The following AMER1 variants were observed in gnomAD, a reference collection of about 807,000 sequenced individuals.
The protein encoded by AMER1 is APC membrane recruitment protein 1.
A neutral mutation model predicts 53.0 loss-of-function variants in AMER1; 16 were observed. The ratio of observed to expected loss-of-function variants is 0.30; its 90% CI spans 0.20 to 0.46. The LOEUF is 0.46. Ranked by LOEUF, AMER1 falls within the 20% of genes least tolerant of loss-of-function variation. AMER1 has a pLI of 1.00. For synonymous variants in AMER1, 354 were observed against 331.9 expected (o/e 1.07, Z -0.73); for missense variants, 947 against 884.9 (o/e 1.07, Z -0.89).
rs55766931 is a variant in AMER1, at chrX:64,193,647, C to T, written c.-98-263G>A. On this transcript the variant is annotated intron_variant, in intron 1 of 1. Coordinates refer to ENST00000374869, the MANE Select transcript of AMER1 (RefSeq NM_152424.4). ...CTGGGTCCACTCCCTTCAGACCATC[C>T]TAAGCTCAGGGGACCACTGGGCAGG... Among the ~76,000 whole-genome samples the T allele has an allele frequency of 0.14, 15,492 of 111,636 alleles. 1,106 individuals are homozygous for T. The highest frequency in any genetic ancestry group is 0.21 in the Non-Finnish European group (11,004 of 52,954).
intron 1 of AMER1, among the ~76,000 whole-genome samples, chrX:64,196,442 C>A (rs1203576815): frequency 8.9e-6 from 1 of 111,985 alleles, no homozygotes; most frequent in East Asian, 2.8e-4. Flanking sequence ...GAAAGACTGT[C>A]ATTACAGTTA....
Position 64,189,480 on chromosome X carries a change from A to ATGTGTGTG in AMER1, c.*398_*399insCACACACA, listed in dbSNP as rs1569190995. ...CATGTGTGTTTGTGTGTGTGTGTGT[A>ATGTGTGTG]TGTATGTGTGTGTGTGTGTGTGTGT... On this transcript the variant is annotated 3_prime_UTR_variant, in exon 2 of 2. Coordinates refer to ENST00000374869, the MANE Select transcript of AMER1 (RefSeq NM_152424.4). 4 of 515,924 alleles carry ATGTGTGTG rather than the reference A, an allele frequency of 7.8e-6. No homozygotes were observed. In the African/African-American group the frequency reaches 2.5e-4, roughly 32 times the overall value. 42.5% of individuals were successfully genotyped at this position (515,924 alleles called of 1,213,427 possible). A position where few individuals can be genotyped will look rare whatever the true frequency, so the allele number is the denominator to read the frequency against.
rs756051704 is a variant in AMER1, at chrX:64,186,428, GAT to G, written c.*3449_*3450del. 14,332 of 561,668 alleles carry G rather than the reference GAT, an allele frequency of 0.026. No individual in the cohort carries two copies. The highest frequency in any genetic ancestry group is 0.046 in the East Asian group (480 of 10,471). The allele number at this position is 561,668 out of a possible 1,213,427, so 46.3% of individuals were successfully genotyped here. ...ATATAAAAATAGATAATTGACTTTTGATATATATATATATATATATTAAAAAC... is the reference window on the plus strand; with the variant it reads ...ATATAAAAATAGATAATTGACTTTTGATATATATATATATATATTAAAAAC... On this transcript the variant is annotated 3_prime_UTR_variant, in exon 2 of 2. Transcript: ENST00000374869.
chrX:64,186,111 A>C lies in AMER1; in HGVS notation c.*3768T>G. On this transcript the variant is annotated 3_prime_UTR_variant, in exon 2 of 2. Coordinates refer to ENST00000374869, the MANE Select transcript of AMER1 (RefSeq NM_152424.4). ...CATAAAATAAAGCCAGAAAATGACA[A>C]GCTGTCTACCAGGTCCCACACGCCT... The C allele has an allele frequency of 8.3e-7, 1 of 1,204,952 alleles. No individual in the cohort carries two copies. Among genetic ancestry groups the C allele is most frequent in the Non-Finnish European group, 1.1e-6 (1 of 889,658 alleles).
rs1205241247 is a variant in AMER1 at position 64,189,514 on chromosome X, G to GTGTGTATATATATATATATATATATAT, written c.*364_*365insATATATATATATATATATATATACACA. ...TGTGTGTGTGTGTGTGTGTGTGTGTGTATATATATATATATATATATATAT... is the reference window on the plus strand; with the variant it reads ...TGTGTGTGTGTGTGTGTGTGTGTGTGTGTGTATATATATATATATATATATATTATATATATATATATATATATATAT... On this transcript the variant is annotated 3_prime_UTR_variant, in exon 2 of 2. Transcript: ENST00000374869. 1 of 28,073 alleles carries GTGTGTATATATATATATATATATATAT rather than the reference G, an allele frequency of 3.6e-5. No individual in the cohort carries two copies. Among genetic ancestry groups the GTGTGTATATATATATATATATATATAT allele is most frequent in the Non-Finnish European group, 5.5e-5 (1 of 18,344 alleles). 2.3% of individuals were successfully genotyped at this position (28,073 alleles called of 1,213,427 possible).
At position 64,189,793 on chromosome X, in the gene AMER1, A is replaced by AGGGGGGCC; in HGVS notation, c.*85_*86insGGCCCCCC. 5 of 292,035 alleles carry AGGGGGGCC rather than the reference A, an allele frequency of 1.7e-5. No homozygotes were observed. The highest frequency in any genetic ancestry group is 1.7e-4 in the East Asian group (1 of 5,962). 24.1% of individuals were successfully genotyped at this position (292,035 alleles called of 1,213,427 possible). A position where few individuals can be genotyped will look rare whatever the true frequency, so the allele number is the denominator to read the frequency against. On this transcript the variant is annotated 3_prime_UTR_variant, in exon 2 of 2. Transcript: ENST00000374869. ...CAAAGGGTTTTCAAGTTAAACAACA[A>AGGGGGGCC]CCCCCACCCCCCCACCCTTCTGCCC...
Position 64,189,792 on chromosome X carries a change from A to AAC in AMER1, c.*85_*86dup. 3 of 746,978 alleles carry AAC rather than the reference A, an allele frequency of 4.0e-6. No individual in the cohort carries two copies. Among genetic ancestry groups the AAC allele is most frequent in the South Asian group, 3.2e-5 (1 of 31,402 alleles). The allele number at this position is 746,978 out of a possible 1,213,427, so 61.6% of individuals were successfully genotyped here. A position where few individuals can be genotyped will look rare whatever the true frequency, so the allele number is the denominator to read the frequency against. ...CCAAAGGGTTTTCAAGTTAAACAACAACCCCCACCCCCCCACCCTTCTGCC... is the reference window on the plus strand; with the variant it reads ...CCAAAGGGTTTTCAAGTTAAACAACAACACCCCCACCCCCCCACCCTTCTGCC... On this transcript the variant is annotated 3_prime_UTR_variant, in exon 2 of 2. Coordinates refer to ENST00000374869, the MANE Select transcript of AMER1 (RefSeq NM_152424.4).
In AMER1 at chrX:64,192,884, C is replaced by T. The variant is rs2147090625; in HGVS notation, c.403G>A (p.Gly135Arg). Residue 135 changes from glycine (G) to arginine (R), a missense_variant, in exon 2 of 2, where the codon GGG becomes AGG. Transcript: ENST00000374869. ...CATCTGGAGCCTGTCTCCAAAGCCC[C>T]ATGGGCACTCTGAGAGCTGGGAAAT... ...CQFPSSQSAH[G>R]ALETGSRCKT... The T allele has an allele frequency of 8.2e-7, 1 of 1,212,195 alleles. No individual in the cohort carries two copies. The highest frequency in any genetic ancestry group is 1.1e-6 in the Non-Finnish European group (1 of 895,636).
Position 64,205,688 on chromosome X carries a change from G to C in AMER1, c.-217C>G, listed in dbSNP as rs1259030408. 1 of 112,130 alleles carries C rather than the reference G, an allele frequency of 8.9e-6. No homozygotes were observed. The highest frequency in any genetic ancestry group is 1.9e-5 in the Non-Finnish European group (1 of 53,326). 9.2% of individuals were successfully genotyped at this position (112,130 alleles called of 1,213,427 possible). A position where few individuals can be genotyped will look rare whatever the true frequency, so the allele number is the denominator to read the frequency against. On this transcript the variant is annotated 5_prime_UTR_variant, in exon 1 of 2. Coordinates refer to ENST00000374869, the MANE Select transcript of AMER1 (RefSeq NM_152424.4). ...CGCAGCTGCTGCCGCCGTCGCCGCG[G>C]CTCCAGTCACCTCCAGCACTGACTC... is the stretch of plus-strand genomic sequence containing the variant.
Position 64,190,538 on chromosome X carries a change from C to T in AMER1, c.2749G>A (p.Glu917Lys), listed in dbSNP as rs1930221792. The T allele has an allele frequency of 5.8e-6, 7 of 1,210,264 alleles. No individual in the cohort carries two copies. Among genetic ancestry groups the T allele is most frequent in the African/African-American group, 3.5e-5 (2 of 57,272 alleles). ...TGCTGGGCCTGCAGCTCATCAGACT[C>T]GAGGTAGCCCTGGACCAAGTGGGAA... ...SNSHLVQGYL[E>K]SDELQAQQED... The change falls in exon 2 of 2, where the codon GAG becomes AAG. Residue 917 changes from glutamate (E) to lysine (K), a missense_variant. Transcript: ENST00000374869.
chrX:64,189,793 A>ACCCCCACCCCCCCCCCCCCCC lies in AMER1; in HGVS notation c.*85_*86insGGGGGGGGGGGGGGGTGGGGG. 1.4e-5 allele frequency: 4 copies of ACCCCCACCCCCCCCCCCCCCC among 292,074 alleles called. No homozygotes were observed. Among genetic ancestry groups the ACCCCCACCCCCCCCCCCCCCC allele is most frequent in the Non-Finnish European group, 1.5e-5 (3 of 204,832 alleles). 24.1% of individuals were successfully genotyped at this position (292,074 alleles called of 1,213,427 possible). Reference sequence around the variant, plus strand: ...CAAAGGGTTTTCAAGTTAAACAACAACCCCCACCCCCCCACCCTTCTGCCC... The same window carrying ACCCCCACCCCCCCCCCCCCCC: ...CAAAGGGTTTTCAAGTTAAACAACAACCCCCACCCCCCCCCCCCCCCCCCCCACCCCCCCACCCTTCTGCCC... On this transcript the variant is annotated 3_prime_UTR_variant, in exon 2 of 2. Coordinates refer to ENST00000374869, the MANE Select transcript of AMER1 (RefSeq NM_152424.4).
chrX:64,192,162 T>C lies in AMER1; in HGVS notation c.1125A>G (p.Pro375=). Residue 375 remains proline (P), a synonymous_variant, in exon 2 of 2, where the codon CCA becomes CCG. Transcript: ENST00000374869. ...YQGGGEEMAL[P]DDDDEEEEEE... ...CTTCTTCCTCCTCGTCATCATCATC[T>C]GGCAAGGCCATCTCCTCCCCACCTC... 3 of 1,211,755 alleles carry C rather than the reference T, an allele frequency of 2.5e-6. No individual in the cohort carries two copies. The highest frequency in any genetic ancestry group is 3.4e-6 in the Non-Finnish European group (3 of 895,293).
In AMER1 at chrX:64,187,439, A is replaced by G. The variant is rs756737178; in HGVS notation, c.*2440T>C. On this transcript the variant is annotated 3_prime_UTR_variant, in exon 2 of 2. Coordinates refer to ENST00000374869, the MANE Select transcript of AMER1 (RefSeq NM_152424.4). ...GTGTGTGACCTTCCAAAGCCCAACA[A>G]AGTGTGTCAGGGCTATGCCAGTGCC... 3 of 791,669 alleles carry G rather than the reference A, an allele frequency of 3.8e-6. No individual in the cohort carries two copies. The highest frequency in any genetic ancestry group is 4.5e-6 in the Non-Finnish European group (3 of 661,825). The allele number at this position is 791,669 out of a possible 1,213,427, so 65.2% of individuals were successfully genotyped here.
chrX:64,199,746 T>C (rs1387203583), intron 1 of AMER1, among the ~76,000 whole-genome samples: 1 of 111,639 alleles, frequency 9.0e-6, no homozygotes, highest in Non-Finnish European at 1.9e-5. Flanking sequence ...ATCCTGTACG[T>C]TGTTGCCAGA....
intron 1 of AMER1, among the ~76,000 whole-genome samples, chrX:64,194,127 T>A (rs1930316230): frequency 8.9e-6 from 1 of 111,889 alleles, no homozygotes; most frequent in South Asian, 3.8e-4. Flanking sequence ...TATCTCTCCC[T>A]CAGAGAGGTG....
At position 64,192,194 on chromosome X, in the gene AMER1, A is replaced by G. The variant is rs2147089065; in HGVS notation, c.1093T>C (p.Tyr365His). ...GCCATCTCCTCCCCACCTCCTTGGT[A>G]GGTCACCAGGCAGGAACTTCGCTTG... ...GTKRSSCLVTYQGGGEEMALP... is the reference protein window; with the variant it reads ...GTKRSSCLVTHQGGGEEMALP... Residue 365 changes from tyrosine (Y) to histidine (H), a missense_variant, in exon 2 of 2, where the codon TAC becomes CAC. Transcript: ENST00000374869. The G allele has an allele frequency of 8.3e-7, 1 of 1,211,358 alleles. No homozygotes were observed. The highest frequency in any genetic ancestry group is 1.8e-5 in the South Asian group (1 of 56,900).
rs1238245957 is a variant in AMER1 at position 64,200,380 on chromosome X, C to A, written c.-99+5190G>T. Among the ~76,000 whole-genome samples, 11 of 112,196 alleles carry A rather than the reference C, an allele frequency of 9.8e-5. No homozygotes were observed. The Admixed American group carries it at 1.0e-3, about 11-fold the overall frequency. Reference sequence around the variant, plus strand: ...CCTCTGACTTTCCTATGTGTCCACTCCCCTCTACTAACCATGCCCTGTGTG... The same window carrying A: ...CCTCTGACTTTCCTATGTGTCCACTACCCTCTACTAACCATGCCCTGTGTG... On this transcript the variant is annotated intron_variant, in intron 1 of 1. Transcript: ENST00000374869.
chrX:64,196,302 A>G (rs998643454), intron 1 of AMER1, among the ~76,000 whole-genome samples: 1 of 112,115 alleles, frequency 8.9e-6, no homozygotes, highest in Non-Finnish European at 1.9e-5. Context: ...CTTGTGAGCT[A>G]TTTTGAGATC....
At position 64,192,630 on chromosome X, in the gene AMER1, C is replaced by A. The variant is rs2147090068; in HGVS notation, c.657G>T (p.Glu219Asp). 2 of 1,168,273 alleles carry A rather than the reference C, an allele frequency of 1.7e-6. No homozygotes were observed. Among genetic ancestry groups the A allele is most frequent in the Non-Finnish European group, 2.3e-6 (2 of 877,535 alleles). Residue 219 changes from glutamate to aspartate, a missense_variant, in exon 2 of 2, where the codon GAG becomes GAT. Transcript: ENST00000374869. ...SSAPQVPCFE[E>D]TFQAPRKENA... Reference sequence around the variant, plus strand: ...TTTCCTTTCTAGGGGCTTGGAAGGTCTCCTCAAAGCAGGGCACCTGAGGGG... The same window carrying A: ...TTTCCTTTCTAGGGGCTTGGAAGGTATCCTCAAAGCAGGGCACCTGAGGGG...
Sources: gnomAD v4.1 joint callset for allele counts (sites outside exome capture counted in the v4.1 genomes callset) on GRCh38, gnomAD v4.1.1 for gene constraint, MANE v1.5 for transcripts, NCBI Gene and HGNC (gene_info 2026-07-23, HGNC 2026-07-21) for gene names.